The following TTLL5 variants were observed in gnomAD, a reference collection of about 807,000 sequenced individuals.
TTLL5 encodes tubulin polyglutamylase TTLL5.
In TTLL5, 132 loss-of-function variants were observed where a neutral mutation model predicts 168.4. The observed-to-expected ratio is 0.78, with a 90% confidence interval of 0.68 to 0.91. TTLL5 has a LOEUF of 0.91. Among genes scored for constraint, TTLL5 ranks in the 40% least tolerant of loss-of-function variants. The probability of loss-of-function intolerance (pLI) is 0.00; values close to 1 mark genes in which losing one functional copy is unlikely to be tolerated. For missense variants in TTLL5, 1,545 were observed against 1,581.5 expected, an observed-to-expected ratio of 0.98 and a Z score of 0.39; for synonymous variants, 546 against 558.6, an observed-to-expected ratio of 0.98 and a Z score of 0.32.
chr14:75,834,024 C>T (rs1305133950), intron 28 of TTLL5, among the ~76,000 whole-genome samples: 1 of 152,094 alleles, frequency 6.6e-6, no homozygotes, highest in Non-Finnish European at 1.5e-5. Context: ...TCTGAGTGTA[C>T]AAAGACCAGT....
At chr14:75,850,597 C>T (rs866533773) in intron 28 of TTLL5, among the ~76,000 whole-genome samples, 3 of 151,782 alleles carry the variant, frequency 2.0e-5, no homozygotes, top group Admixed American at 6.6e-5. Context: ...GTAGAAGACA[C>T]GTGAATCCTG....
At chr14:75,838,730 G>T (rs1026935601) in intron 28 of TTLL5, 1 of 152,824 alleles carries the variant, frequency 6.5e-6, no homozygotes, top group Admixed American at 6.5e-5. Context: ...CTTTGGGGGC[G>T]AGGGTGAGGC....
chr14:75,703,940 C>G (rs560746104), intron 7 of TTLL5, among the ~76,000 whole-genome samples: 46 of 152,292 alleles, frequency 3.0e-4, no homozygotes, highest in South Asian at 1.0e-3. Flanking sequence ...GAATGGCATG[C>G]AGCAGGTAGT....
intron 31 of TTLL5, among the ~76,000 whole-genome samples, chr14:75,902,741 G>A (rs1254240918): frequency 6.6e-6 from 1 of 152,216 alleles, no homozygotes; most frequent in African/African-American, 2.4e-5. Flanking sequence ...GCCTCTCAGT[G>A]TAGGTGCATA....
intron 6 of TTLL5, among the ~76,000 whole-genome samples, chr14:75,695,515 C>T (rs1247251134): frequency 6.6e-6 from 1 of 152,130 alleles, no homozygotes; most frequent in Admixed American, 6.5e-5. Context: ...CACTCCCTCC[C>T]CTTTAAAAAT....
chr14:75,663,297 C>T, intron 2 of TTLL5, 74 bp downstream of exon 2: 1 of 1,336,752 alleles, frequency 7.5e-7, no homozygotes. Flanking sequence ...TACTGTTTTA[C>T]TATATACTCT....
chr14:75,950,231 A>C (rs1232212680), intron 31 of TTLL5, among the ~76,000 whole-genome samples: 2 of 152,240 alleles, frequency 1.3e-5, no homozygotes, highest in African/African-American at 4.8e-5. Flanking sequence ...AAAAAATGGA[A>C]TTAGATCTGT....
intron 29 of TTLL5, among the ~76,000 whole-genome samples, chr14:75,865,451 A>G (rs1274735943): frequency 6.6e-6 from 1 of 152,050 alleles, no homozygotes; most frequent in African/African-American, 2.4e-5. Flanking sequence ...CCACAGAATA[A>G]TGTGTGCACC....
At chr14:75,789,141 A>G (rs1366942740) in intron 26 of TTLL5, among the ~76,000 whole-genome samples, 1 of 152,188 alleles carries the variant, frequency 6.6e-6, no homozygotes, top group African/African-American at 2.4e-5. Flanking sequence ...CTATCAGCCT[A>G]AATACGGAAA....
At chr14:75,925,078 C>T (rs1181084869) in intron 31 of TTLL5, among the ~76,000 whole-genome samples, 7 of 143,012 alleles carry the variant, frequency 4.9e-5, no homozygotes, top group East Asian at 2.2e-4. Flanking sequence ...GGCGGCTGGT[C>T]GGGCGGGGGG....
chr14:75,783,555 C>A, intron 26 of TTLL5, 25 bp downstream of exon 26: 2 of 1,602,656 alleles, frequency 1.2e-6, no homozygotes, highest in South Asian at 2.2e-5. Context: ...GAAAGACAGT[C>A]CACAATGTGA....
chr14:75,758,950 T>C (rs1051855248), intron 18 of TTLL5, among the ~76,000 whole-genome samples: 7 of 152,166 alleles, frequency 4.6e-5, no homozygotes, highest in Admixed American at 2.6e-4. Context: ...ATCACTGTTC[T>C]AATGTTTGTT....
chr14:75,724,321 G>C (rs1888045513), intron 12 of TTLL5, among the ~76,000 whole-genome samples: 1 of 151,994 alleles, frequency 6.6e-6, no homozygotes. Context: ...TTTTTCTTCA[G>C]TTCCTGCTGT....
intron 31 of TTLL5, among the ~76,000 whole-genome samples, chr14:75,918,754 T>C (rs2033712178): frequency 6.6e-6 from 1 of 152,216 alleles, no homozygotes; most frequent in Non-Finnish European, 1.5e-5. Context: ...ATAATGACTA[T>C]GTATACTCTT....
intron 30 of TTLL5, among the ~76,000 whole-genome samples, chr14:75,898,610 C>G (rs2032781369): frequency 6.6e-6 from 1 of 152,066 alleles, no homozygotes; most frequent in African/African-American, 2.4e-5. Flanking sequence ...CCACTACACT[C>G]CAGCCTGGGT....
intron 31 of TTLL5, among the ~76,000 whole-genome samples, chr14:75,927,048 A>G (rs2034096233): frequency 6.6e-6 from 1 of 152,152 alleles, no homozygotes; most frequent in South Asian, 2.1e-4. Flanking sequence ...AGTAATGAAA[A>G]TGTTCTAAAA....
chr14:75,869,417 A>C (rs1218818048), intron 29 of TTLL5, among the ~76,000 whole-genome samples: 1 of 152,194 alleles, frequency 6.6e-6, no homozygotes, highest in Non-Finnish European at 1.5e-5. Flanking sequence ...CAGGTTATTC[A>C]AACTTTTAAA....
chr14:75,894,332 A>G (rs911134784), intron 30 of TTLL5, among the ~76,000 whole-genome samples: 6 of 152,162 alleles, frequency 3.9e-5, no homozygotes, highest in African/African-American at 7.2e-5. Context: ...CAGGTGGATC[A>G]CCTGAGGTTA....
At chr14:75,670,289 T>C (rs1053604597) in intron 3 of TTLL5, among the ~76,000 whole-genome samples, 1 of 152,202 alleles carries the variant, frequency 6.6e-6, no homozygotes, top group African/African-American at 2.4e-5. Context: ...GGTCTCAAAC[T>C]CCTGGCCTTA....
Sources: allele counts gnomAD v4.1 joint callset (sites outside exome capture counted in the v4.1 genomes callset), GRCh38; gene constraint gnomAD v4.1.1; transcripts MANE v1.5; gene names NCBI Gene and HGNC (gene_info 2026-07-23, HGNC 2026-07-21).